Variants in ZFAND5 observed in about 807,000 individuals in gnomAD.
ZFAND5 encodes zinc finger AN1-type containing 5, also known as AN1-type zinc finger protein 5.
ZFAND5 carries 4 observed loss-of-function variants against 23.6 expected under a neutral mutation model. The ratio of observed to expected loss-of-function variants is 0.17; its 90% confidence interval spans 0.08 to 0.39. The LOEUF (loss-of-function observed/expected upper bound fraction) is 0.39. Ranked by LOEUF, ZFAND5 falls within the 10% of genes least tolerant of loss-of-function variation. The pLI is 1.00. For synonymous variants in ZFAND5, 68 were observed against 80.6 expected, an observed-to-expected ratio of 0.84 and a Z score of 0.84; for missense variants, 161 against 253.7, an observed-to-expected ratio of 0.63 and a Z score of 2.48.
chr9:72,359,640 G>A (rs370479681), intron 4 of ZFAND5, 119 bp from the exon 5 acceptor site: 12 of 955,378 alleles, frequency 1.3e-5, no homozygotes, highest in East Asian at 1.1e-4. Flanking sequence ...AATGGAGCTA[G>A]ATAATCTAAA....
rs1376514848 is a variant in ZFAND5, at chr9:72,355,137, G to A, written c.*816C>T. 6.6e-6 allele frequency: 1 copy of A among 152,660 alleles called. No individual in the cohort carries two copies. The highest frequency in any genetic ancestry group is 2.4e-5 in the African/African-American group (1 of 41,456). The allele number at this position is 152,660 out of a possible 1,614,324, so 9.5% of individuals were successfully genotyped here. A position where few individuals can be genotyped will look rare whatever the true frequency, so the allele number is the denominator to read the frequency against. On this transcript the variant is annotated 3_prime_UTR_variant, in exon 7 of 7. Transcript: ENST00000376962. ...TTTGCAACTTAAAATTCAGATGCAT[G>A]TTATTCAATAGAGCTGCTGTATGTG...
rs1011042444 is a variant in ZFAND5, at chr9:72,352,100, C to CT, written c.*3852dup. ...ATGAGGTCAGGAGATCGAGACCACC[C>CT]TGGCTAACACGGTGAAACCCTCTCT... On this transcript the variant is annotated 3_prime_UTR_variant, in exon 7 of 7. Coordinates refer to ENST00000376962, the MANE Select transcript of ZFAND5 (RefSeq NM_001102420.3). 1 of 152,168 alleles carries CT rather than the reference C, an allele frequency of 6.6e-6. No individual in the cohort carries two copies. The highest frequency in any genetic ancestry group is 1.5e-5 in the Non-Finnish European group (1 of 68,092). The allele number at this position is 152,168 out of a possible 1,614,324, so 9.4% of individuals were successfully genotyped here.
rs1364152235 is a variant in ZFAND5, at chr9:72,360,798, A to G, written c.-9-11T>C. 6.4e-7 allele frequency: 1 copy of G among 1,567,538 alleles called. No individual in the cohort carries two copies. The highest frequency in any genetic ancestry group is 1.9e-5 in the Admixed American group (1 of 52,202). ...AGCCATATTTTTCTGCTATAGATGA[A>G]ACGAAATTTCAGAAATTAGTGTTAT... On this transcript the variant is annotated splice_polypyrimidine_tract_variant and intron_variant, in intron 2 of 6. Coordinates refer to ENST00000376962, the MANE Select transcript of ZFAND5 (RefSeq NM_001102420.3).
At chr9:72,357,462 T>G (rs1377547096) in intron 5 of ZFAND5, among the ~76,000 whole-genome samples, 1 of 152,110 alleles carries the variant, frequency 6.6e-6, no homozygotes, top group Non-Finnish European at 1.5e-5. Context: ...TACATCACAG[T>G]AAATAACAGT....
chr9:72,356,623 G>A (rs574113535), intron 6 of ZFAND5, among the ~76,000 whole-genome samples: 113 of 152,280 alleles, frequency 7.4e-4, no homozygotes, highest in Non-Finnish European at 1.4e-3. Context: ...AACATTCCCT[G>A]CATAGCTCAA....
At chr9:72,358,912 CAA>C (rs1161575357) in intron 5 of ZFAND5, among the ~76,000 whole-genome samples, 1 of 152,082 alleles carries the variant, frequency 6.6e-6, no homozygotes, top group Admixed American at 6.6e-5. Context: ...GCTATATAAG[CAA>C]AGTTTCCAAA....
chr9:72,361,067 GCT>G (rs1842084100), intron 2 of ZFAND5, among the ~76,000 whole-genome samples: 1 of 152,116 alleles, frequency 6.6e-6, no homozygotes, highest in Non-Finnish European at 1.5e-5. Flanking sequence ...AGGTCTGTTA[GCT>G]CTCAGGGTTA....
At chr9:72,361,041 G>C (rs1842083263) in intron 2 of ZFAND5, among the ~76,000 whole-genome samples, 1 of 151,862 alleles carries the variant, frequency 6.6e-6, no homozygotes, top group South Asian at 2.1e-4. Flanking sequence ...ACTATTCTTG[G>C]TTTCAATTTA....
chr9:72,357,016 A>C lies in ZFAND5; in HGVS notation c.408T>G (p.Thr136=), dbSNP rs371700614. The C allele has an allele frequency of 1.2e-4, 197 of 1,613,636 alleles. No individual in the cohort carries two copies. The highest frequency in any genetic ancestry group is 1.5e-4 in the Non-Finnish European group (179 of 1,179,768). The part of the protein sequence containing the change: ...QPSPSVSQPS[T]SQSEEKAPEL... ...CAGGAGCTTTTTCTTCACTCTGAGA[A>C]GTACTGGGCTGAGAAACTGATGGAC... Residue 136 remains threonine, a synonymous_variant, in exon 6 of 7, where the codon ACT becomes ACG. Transcript: ENST00000376962.
rs1477427313 is a variant in ZFAND5, at chr9:72,355,858, ACAT to A, written c.*92_*94del. 10 of 1,133,348 alleles carry A rather than the reference ACAT, an allele frequency of 8.8e-6. No individual in the cohort carries two copies. Among genetic ancestry groups the A allele is most frequent in the African/African-American group, 6.3e-5 (4 of 63,756 alleles). 70.2% of individuals were successfully genotyped at this position (1,133,348 alleles called of 1,614,324 possible). On this transcript the variant is annotated 3_prime_UTR_variant, in exon 7 of 7. Coordinates refer to ENST00000376962, the MANE Select transcript of ZFAND5 (RefSeq NM_001102420.3). ...CAAGTGTAATGTAAAACTCTGGAGA[ACAT>A]CAAAGAAAAATGGCCATGCATCTGC... is the stretch of plus-strand genomic sequence containing the variant.
intron 1 of ZFAND5, 189 bp from the exon 2 acceptor site, chr9:72,363,795 G>T: frequency 3.0e-6 from 1 of 336,852 alleles, no homozygotes; most frequent in Non-Finnish European, 4.2e-6. Flanking sequence ...GTTTTTAGAA[G>T]TCTGTATCTA....
In ZFAND5 at chr9:72,355,370, A is replaced by C. The variant is rs887025864; in HGVS notation, c.*583T>G. ...ATGTTTACCTTTCACAGAATGTCTT[A>C]TTTGACAGCTTTAGATGACCAATTT... On this transcript the variant is annotated 3_prime_UTR_variant, in exon 7 of 7. Transcript: ENST00000376962. 1 of 152,658 alleles carries C rather than the reference A, an allele frequency of 6.6e-6. No homozygotes were observed. 9.5% of individuals were successfully genotyped at this position (152,658 alleles called of 1,614,324 possible). A position where few individuals can be genotyped will look rare whatever the true frequency, so the allele number is the denominator to read the frequency against.
intron 1 of ZFAND5, chr9:72,364,458 C>A: frequency 7.8e-7 from 1 of 1,275,420 alleles, no homozygotes. Context: ...CATTGTTTCC[C>A]GACCGTGCTG....
rs1564318860 is a variant in ZFAND5, at chr9:72,364,966, C to T, written c.-417G>A. 1.3e-5 allele frequency: 2 copies of T among 152,596 alleles called. No individual in the cohort carries two copies. Among genetic ancestry groups the T allele is most frequent in the Non-Finnish European group, 1.5e-5 (1 of 68,418 alleles). The allele number at this position is 152,596 out of a possible 1,614,324, so 9.5% of individuals were successfully genotyped here. A position where few individuals can be genotyped will look rare whatever the true frequency, so the allele number is the denominator to read the frequency against. On this transcript the variant is annotated 5_prime_UTR_variant, in exon 1 of 7. Transcript: ENST00000376962. ...GGCCGAGGAGGAGGTGGAGGGAGGA[C>T]CGGCGGCCGCAGCGGCTAACGCTGC...
intron 2 of ZFAND5, among the ~76,000 whole-genome samples, chr9:72,362,968 C>A (rs1373993692): frequency 1.3e-5 from 2 of 152,108 alleles, no homozygotes; most frequent in African/African-American, 4.8e-5. Context: ...AAGGATGCAG[C>A]GTTCATATAT....
chr9:72,357,159 T>C (rs1034945619), intron 5 of ZFAND5, 103 bp from the exon 6 acceptor site: 1 of 1,355,356 alleles, frequency 7.4e-7, no homozygotes, highest in Non-Finnish European at 1.0e-6. Flanking sequence ...CTGATAAAAA[T>C]GTTTATAAGT....
intron 2 of ZFAND5, among the ~76,000 whole-genome samples, chr9:72,361,514 C>T (rs973644040): frequency 6.6e-6 from 1 of 152,156 alleles, no homozygotes; most frequent in African/African-American, 2.4e-5. Context: ...ATTTCTCAGC[C>T]AAAGGCACTA....
At chr9:72,364,573 G>T (rs925606866) in intron 1 of ZFAND5, 123 bp downstream of exon 1, 1 of 1,257,314 alleles carries the variant, frequency 8.0e-7, no homozygotes, top group Non-Finnish European at 1.0e-6. Context: ...CCCTCCCCCG[G>T]ACGCCGCCAT....
Position 72,359,491 on chromosome 9 carries a change from A to G in ZFAND5, c.294T>C (p.Thr98=), listed in dbSNP as rs1264958350. ...RNVPVAALPV[T]QQMTEMSISR... Reference sequence around the variant, plus strand: ...AAATGCTCATTTCTGTCATTTGCTGAGTTACAGGCAAGGCAGCCACAGGCA... The same window carrying G: ...AAATGCTCATTTCTGTCATTTGCTGGGTTACAGGCAAGGCAGCCACAGGCA... The change falls in exon 5 of 7, where the codon ACT becomes ACC. Residue 98 remains threonine, a synonymous_variant. Transcript: ENST00000376962. 6.2e-7 allele frequency: 1 copy of G among 1,613,544 alleles called. No homozygotes were observed. The highest frequency in any genetic ancestry group is 8.5e-7 in the Non-Finnish European group (1 of 1,179,702).
Sources: allele counts gnomAD v4.1 joint callset (sites outside exome capture counted in the v4.1 genomes callset), GRCh38; gene constraint gnomAD v4.1.1; transcripts MANE v1.5; gene names NCBI Gene and HGNC (gene_info 2026-07-23, HGNC 2026-07-21).